PCDH15: variants seen among roughly 807,000 people sequenced by gnomAD.
The protein encoded by PCDH15 is protocadherin-15.
In PCDH15, 129 loss-of-function variants were observed where a neutral mutation model predicts 178.5. The observed-to-expected ratio is 0.72, with a 90% CI of 0.63 to 0.84. The LOEUF is 0.84. Ranked by LOEUF, PCDH15 falls within the 40% of genes least tolerant of loss-of-function variation. PCDH15 has a pLI of 0.00. For missense variants in PCDH15, 2,230 were observed against 2,099.9 expected (o/e 1.06, Z -1.21); for synonymous variants, 800 against 732.0 (o/e 1.09, Z -1.50).
chr10:54,573,792 C>G (rs7077960), intron 2 of PCDH15, among the ~76,000 whole-genome samples: 142,164 of 152,226 alleles, frequency 0.93, 66,686 homozygotes, highest in Middle Eastern at 0.98. Flanking sequence ...AGGAAAACAG[C>G]GTCCTGTGAA....
chr10:54,873,386 A>C (rs1373920180), intron 3 of PCDH15, among the ~76,000 whole-genome samples: 1 of 151,708 alleles, frequency 6.6e-6, no homozygotes, highest in African/African-American at 2.4e-5. Flanking sequence ...AGTAGCTTCT[A>C]CAAAGTGGAT....
chr10:54,312,721 C>T (rs1005250092), intron 8 of PCDH15, among the ~76,000 whole-genome samples: 4 of 151,992 alleles, frequency 2.6e-5, no homozygotes, highest in Non-Finnish European at 5.9e-5. Context: ...ATGAAAGTGG[C>T]ACCCAGCCCT....
At chr10:54,520,412 C>T (rs2082721750) in intron 3 of PCDH15, among the ~76,000 whole-genome samples, 1 of 152,140 alleles carries the variant, frequency 6.6e-6, no homozygotes, top group Non-Finnish European at 1.5e-5. Context: ...AGGATATAAA[C>T]AGACACTTCT....
At chr10:54,826,028 A>G (rs1690091043) in intron 3 of PCDH15, among the ~76,000 whole-genome samples, 2 of 152,124 alleles carry the variant, frequency 1.3e-5, no homozygotes, top group Non-Finnish European at 2.9e-5. Context: ...TTCTGATAAA[A>G]ATTTTAATTC....
chr10:55,510,389 T>C (rs977470428), intron 2 of PCDH15, among the ~76,000 whole-genome samples: 3 of 151,970 alleles, frequency 2.0e-5, no homozygotes, highest in East Asian at 1.9e-4. Flanking sequence ...TGTGAAAGTA[T>C]GGAATGTGGG....
At chr10:54,972,536 G>T (rs1838960861) in intron 2 of PCDH15, among the ~76,000 whole-genome samples, 1 of 148,516 alleles carries the variant, frequency 6.7e-6, no homozygotes, top group Admixed American at 6.8e-5. Flanking sequence ...GCAAGACTTT[G>T]TCTCAAAAAG....
At chr10:54,811,576 T>G (rs960862620) in intron 3 of PCDH15, among the ~76,000 whole-genome samples, 36 of 152,176 alleles carry the variant, frequency 2.4e-4, no homozygotes, top group African/African-American at 8.2e-4. Context: ...GTACAAGCGA[T>G]TCCCCTGCCT....
intron 34 of PCDH15, among the ~76,000 whole-genome samples, chr10:53,817,577 A>G (rs1387040591): frequency 7.5e-6 from 1 of 133,950 alleles, no homozygotes; most frequent in Non-Finnish European, 1.5e-5. Flanking sequence ...GCTGGAGTGC[A>G]GTGGCCTGAT....
At position 53,803,359 on chromosome 10, in the gene PCDH15, G is replaced by A. The variant is rs998361830; in HGVS notation, c.*3220C>T. 1 of 151,870 alleles carries A rather than the reference G, an allele frequency of 6.6e-6. No individual in the cohort carries two copies. The highest frequency in any genetic ancestry group is 2.4e-5 in the African/African-American group (1 of 41,418). The allele number at this position is 151,870 out of a possible 1,614,324, so 9.4% of individuals were successfully genotyped here. On this transcript the variant is annotated 3_prime_UTR_variant, in exon 38 of 38. Coordinates refer to ENST00000644397, the MANE Select transcript of PCDH15 (RefSeq NM_001384140.1). ...GCTCATGAAATAAAAGACAGAAAAT[G>A]TCTTCCCTCGAGAGTCAATATTCAA...
chr10:53,879,605 G>A (rs1331121584), intron 26 of PCDH15, among the ~76,000 whole-genome samples: 1 of 151,952 alleles, frequency 6.6e-6, no homozygotes, highest in Non-Finnish European at 1.5e-5. Context: ...AGGCATTTTT[G>A]GTAAAAATTA....
At chr10:55,169,588 T>A (rs556477866) in intron 1 of PCDH15, among the ~76,000 whole-genome samples, 1 of 152,292 alleles carries the variant, frequency 6.6e-6, no homozygotes, top group South Asian at 2.1e-4. Context: ...AAAGGCAGTT[T>A]CAGTCTTCAT....
chr10:54,706,497 T>C (rs2095366086), intron 1 of PCDH15, among the ~76,000 whole-genome samples: 1 of 152,170 alleles, frequency 6.6e-6, no homozygotes, highest in Non-Finnish European at 1.5e-5. Context: ...TGGTATGGGA[T>C]AGTAATATAA....
chr10:54,742,366 A>C (rs535350554), intron 1 of PCDH15, among the ~76,000 whole-genome samples: 28 of 152,188 alleles, frequency 1.8e-4, no homozygotes, highest in African/African-American at 6.7e-4. Flanking sequence ...TTGGGAATAC[A>C]GAACATGAAG....
At chr10:54,927,357 T>C (rs539009937) in intron 2 of PCDH15, among the ~76,000 whole-genome samples, 2 of 152,268 alleles carry the variant, frequency 1.3e-5, no homozygotes, top group East Asian at 3.9e-4. Flanking sequence ...TGTCCAATTA[T>C]GCAATCAATT....
chr10:53,824,179 G>GCTTA (rs2076515125), intron 32 of PCDH15, among the ~76,000 whole-genome samples: 8 of 151,866 alleles, frequency 5.3e-5, no homozygotes, highest in Admixed American at 1.3e-4. Context: ...TCACTGAAAG[G>GCTTA]CTTACTTATG....
At chr10:55,029,096 T>C (rs10763172) in intron 2 of PCDH15, among the ~76,000 whole-genome samples, 85,727 of 151,104 alleles carry the variant, frequency 0.57, 24,605 homozygotes, top group East Asian at 0.75. Context: ...AGTTGCCCTG[T>C]ACGTTTGAAA....
chr10:54,838,419 T>A (rs1266822019), intron 3 of PCDH15, among the ~76,000 whole-genome samples: 1 of 152,116 alleles, frequency 6.6e-6, no homozygotes, highest in Non-Finnish European at 1.5e-5. Flanking sequence ...ATGCAAGAGG[T>A]GCCTTTGCTT....
intron 1 of PCDH15, among the ~76,000 whole-genome samples, chr10:55,303,833 A>G (rs918645454): frequency 6.6e-6 from 1 of 151,768 alleles, no homozygotes; most frequent in Non-Finnish European, 1.5e-5. Flanking sequence ...TATTTTATTG[A>G]TTTTTCAAAG....
intron 2 of PCDH15, among the ~76,000 whole-genome samples, chr10:55,497,621 T>A (rs550213973): frequency 6.6e-6 from 1 of 151,926 alleles, no homozygotes; most frequent in South Asian, 2.1e-4. Flanking sequence ...AAAACTAAAA[T>A]TAACAGCATT....
Sources: allele counts gnomAD v4.1 joint callset (sites outside exome capture counted in the v4.1 genomes callset), GRCh38; gene constraint gnomAD v4.1.1; transcripts MANE v1.5; gene names NCBI Gene and HGNC (gene_info 2026-07-23, HGNC 2026-07-21).